HDAC9: variants seen among roughly 807,000 people sequenced by gnomAD.
The protein encoded by HDAC9 is histone deacetylase 9.
In HDAC9, 41 loss-of-function variants were observed where a neutral mutation model predicts 139.4. The observed-to-expected ratio is 0.29, with a 90% CI of 0.23 to 0.38. HDAC9 has a LOEUF of 0.38. HDAC9 is among the 10% of genes least tolerant of loss of function. HDAC9 has a pLI of 1.00. For synonymous variants in HDAC9, 517 were observed against 476.2 expected (o/e 1.09, Z -1.12); for missense variants, 1,147 against 1,297.0 (o/e 0.88, Z 1.78).
chr7:18,247,727 C>T (rs1002943078), intron 2 of HDAC9, among the ~76,000 whole-genome samples: 1 of 152,168 alleles, frequency 6.6e-6, no homozygotes, highest in African/African-American at 2.4e-5. Flanking sequence ...AAAATATTGT[C>T]TCAGTTTCTT....
At chr7:18,483,571 T>C (rs1400309361) in intron 1 of HDAC9, among the ~76,000 whole-genome samples, 1 of 152,162 alleles carries the variant, frequency 6.6e-6, no homozygotes, top group African/African-American at 2.4e-5. Context: ...TTGTCTAATG[T>C]GTCTTCTTAC....
intron 22 of HDAC9, among the ~76,000 whole-genome samples, chr7:18,881,348 G>T (rs1230502649): frequency 1.3e-5 from 2 of 152,012 alleles, no homozygotes; most frequent in African/African-American, 4.8e-5. Flanking sequence ...AATCTGTTTG[G>T]ATTCTAAGGT....
At chr7:18,453,730 T>G (rs1245586661) in intron 1 of HDAC9, among the ~76,000 whole-genome samples, 1 of 152,250 alleles carries the variant, frequency 6.6e-6, no homozygotes, top group Non-Finnish European at 1.5e-5. Context: ...TTCCAAAATT[T>G]TTGTATAGAT....
intron 2 of HDAC9, among the ~76,000 whole-genome samples, chr7:18,538,780 C>T (rs1811739307): frequency 6.6e-6 from 1 of 152,116 alleles, no homozygotes. Context: ...TGGCAGAAAC[C>T]TCTTTAACCA....
chr7:18,190,714 T>C (rs1247732788), intron 2 of HDAC9, among the ~76,000 whole-genome samples: 1 of 152,202 alleles, frequency 6.6e-6, no homozygotes, highest in Non-Finnish European at 1.5e-5. Context: ...TTTTCTCTTT[T>C]TATTTTCCCA....
At chr7:18,906,615 A>G (rs964413897) in intron 22 of HDAC9, among the ~76,000 whole-genome samples, 2 of 152,210 alleles carry the variant, frequency 1.3e-5, no homozygotes, top group African/African-American at 2.4e-5. Flanking sequence ...AGATTACAGG[A>G]TGCAACAGTG....
rs1801277709 is a variant in HDAC9 at position 18,510,813 on chromosome 7, G to T, written c.22+14489G>T. Among the ~76,000 whole-genome samples the T allele has an allele frequency of 2.0e-5, 3 of 152,124 alleles. No individual in the cohort carries two copies. The South Asian group carries it at 6.2e-4, about 32-fold the overall frequency. ...CAATCTCTATGTACAACTCTTCTAAGAGAAGAATGAGAAAATTATCTTTAT... is the reference window on the plus strand; with the variant it reads ...CAATCTCTATGTACAACTCTTCTAATAGAAGAATGAGAAAATTATCTTTAT... On this transcript the variant is annotated intron_variant, in intron 2 of 25. Transcript: ENST00000686413.
rs35414332 is a variant in HDAC9, at chr7:18,744,012, G to GTTTTTTTTTTTTTTTTTTT, written c.1910-4990_1910-4972dup. Among the ~76,000 whole-genome samples, 20 of 110,440 alleles carry GTTTTTTTTTTTTTTTTTTT rather than the reference G, an allele frequency of 1.8e-4. 2 individuals carry two copies. The highest frequency in any genetic ancestry group is 1.1e-3 in the East Asian group (3 of 2,772). The allele number at this position is 110,440 out of a possible 152,430, so 72.5% of individuals were successfully genotyped here. On this transcript the variant is annotated intron_variant, in intron 13 of 25. Coordinates refer to ENST00000686413, the MANE Select transcript of HDAC9 (RefSeq NM_178425.4). Reference sequence around the variant, plus strand: ...TTTTTACATCTCACTTTTACTACTAGTTTTTTTTTTTTTTTTTTTTTGAGA... The same window carrying GTTTTTTTTTTTTTTTTTTT: ...TTTTTACATCTCACTTTTACTACTAGTTTTTTTTTTTTTTTTTTTTTTTTTTTTTTTTTTTTTTTTGAGA...
intron 12 of HDAC9, among the ~76,000 whole-genome samples, chr7:18,672,468 A>G (rs1795728012): frequency 6.6e-6 from 1 of 152,020 alleles, no homozygotes; most frequent in South Asian, 2.1e-4. Flanking sequence ...TTTATCGGGT[A>G]TATAAGTTGC....
chr7:18,298,293 T>C (rs1177380770), intron 1 of HDAC9, among the ~76,000 whole-genome samples: 3 of 152,100 alleles, frequency 2.0e-5, no homozygotes, highest in African/African-American at 7.2e-5. Context: ...TTTTTTTTTT[T>C]TTTTTATTAT....
rs548942082 is a variant in HDAC9, at chr7:18,818,940, A to G, written c.2323-10221A>G. ...TAATTTGCACTTTCTTATTTTCTGT[A>G]CCTATCCTTGCCATAGCAATAGACT... On this transcript the variant is annotated intron_variant, in intron 17 of 25. Coordinates refer to ENST00000686413, the MANE Select transcript of HDAC9 (RefSeq NM_178425.4). Among the ~76,000 whole-genome samples the G allele has an allele frequency of 3.0e-4, 45 of 152,170 alleles. No individual in the cohort carries two copies. The South Asian group carries it at 5.0e-3, about 17-fold the overall frequency.
intron 24 of HDAC9, among the ~76,000 whole-genome samples, chr7:18,959,629 A>G (rs150338713): frequency 2.1e-3 from 314 of 152,290 alleles, no homozygotes; most frequent in African/African-American, 7.1e-3. Context: ...GACAATGAGC[A>G]AGCCACTTGT....
rs758030668 is a variant in HDAC9, at chr7:18,762,303, G to C, written c.2164+26G>C. ...GTCTGTACGGGCCTCCACTGTACTG[G>C]GAACAGCACATTCCAGCACTATCAT... On this transcript the variant is annotated intron_variant, in intron 15 of 25. Transcript: ENST00000686413. 9 of 1,611,760 alleles carry C rather than the reference G, an allele frequency of 5.6e-6. No individual in the cohort carries two copies. The African/African-American group carries it at 1.1e-4, about 19-fold the overall frequency.
At chr7:18,220,579 T>TA (rs1336051906) in intron 2 of HDAC9, among the ~76,000 whole-genome samples, 4 of 152,190 alleles carry the variant, frequency 2.6e-5, no homozygotes, top group African/African-American at 9.7e-5. Flanking sequence ...TATGGACACC[T>TA]ACACAGAGAC....
intron 1 of HDAC9, among the ~76,000 whole-genome samples, chr7:18,329,573 T>C (rs7457904): frequency 0.21 from 31,023 of 147,970 alleles, 3,269 homozygotes; most frequent in Middle Eastern, 0.23. Context: ...AAAAAAACAG[T>C]GAATGGAATG....
At chr7:18,263,449 T>C (rs1192635817) in intron 2 of HDAC9, among the ~76,000 whole-genome samples, 2 of 152,050 alleles carry the variant, frequency 1.3e-5, no homozygotes, top group Non-Finnish European at 2.9e-5. Context: ...GAACCAAACA[T>C]TTACTGACTC....
chr7:18,697,924 G>T (rs981029922), intron 12 of HDAC9, among the ~76,000 whole-genome samples: 4 of 152,050 alleles, frequency 2.6e-5, no homozygotes, highest in Admixed American at 6.5e-5. Flanking sequence ...TTAATAAAAA[G>T]AATTTTGATG....
intron 22 of HDAC9, among the ~76,000 whole-genome samples, chr7:18,920,835 G>A (rs528457050): frequency 2.0e-5 from 3 of 152,188 alleles, no homozygotes; most frequent in South Asian, 4.2e-4. Context: ...TGTATACCAG[G>A]GATGAAGCCC....
chr7:18,865,627 G>A (rs954309200), intron 21 of HDAC9, among the ~76,000 whole-genome samples: 2 of 152,138 alleles, frequency 1.3e-5, no homozygotes, highest in Non-Finnish European at 2.9e-5. Context: ...GTGAGGCACT[G>A]GGGGCTGTTC....
Sources: gnomAD v4.1 joint callset for allele counts (sites outside exome capture counted in the v4.1 genomes callset) on GRCh38, gnomAD v4.1.1 for gene constraint, MANE v1.5 for transcripts, NCBI Gene and HGNC (gene_info 2026-07-23, HGNC 2026-07-21) for gene names.